The following KCNMB2 variants were observed in gnomAD, a reference collection of about 807,000 sequenced individuals.
The protein encoded by KCNMB2 is calcium-activated potassium channel subunit beta-2.
A neutral mutation model predicts 24.5 loss-of-function variants in KCNMB2; 9 were observed. The observed-to-expected ratio is 0.37, with a 90% confidence interval of 0.22 to 0.64. The LOEUF (loss-of-function observed/expected upper bound fraction) is 0.64. Among genes scored for constraint, KCNMB2 ranks in the 30% least tolerant of loss-of-function variants. KCNMB2 has a pLI of 0.63. For missense variants in KCNMB2, 226 were observed against 284.3 expected (o/e 0.79, Z 1.47); for synonymous variants, 109 against 104.4 (o/e 1.04, Z -0.27).
chr3:178,590,362 G>A (rs1717620738), intron 1 of KCNMB2, among the ~76,000 whole-genome samples: 2 of 151,888 alleles, frequency 1.3e-5, no homozygotes, highest in Admixed American at 6.6e-5. Context: ...CATCTTAGTT[G>A]ACATTGGATT....
chr3:178,655,601 A>G (rs1333253989), intron 1 of KCNMB2, among the ~76,000 whole-genome samples: 1 of 152,200 alleles, frequency 6.6e-6, no homozygotes, highest in East Asian at 1.9e-4. Context: ...CAAAAACGAC[A>G]AAACAAAACG....
At chr3:178,608,863 C>T (rs746633692) in intron 1 of KCNMB2, among the ~76,000 whole-genome samples, 13 of 152,166 alleles carry the variant, frequency 8.5e-5, no homozygotes, top group Non-Finnish European at 1.8e-4. Flanking sequence ...TGTACGTATA[C>T]CACATTTTTC....
intron 1 of KCNMB2, among the ~76,000 whole-genome samples, chr3:178,708,112 G>C (rs1276982545): frequency 6.6e-6 from 1 of 152,070 alleles, no homozygotes; most frequent in Non-Finnish European, 1.5e-5. Flanking sequence ...GAGAACCATA[G>C]TTTCAGTGTC....
At chr3:178,741,022 A>G (rs1723477938) in intron 1 of KCNMB2, among the ~76,000 whole-genome samples, 1 of 152,218 alleles carries the variant, frequency 6.6e-6, no homozygotes, top group Non-Finnish European at 1.5e-5. Context: ...AACGCATGAA[A>G]GCCCAAAAGT....
intron 1 of KCNMB2, among the ~76,000 whole-genome samples, chr3:178,776,486 G>A (rs1560017018): frequency 6.6e-6 from 1 of 152,132 alleles, no homozygotes; most frequent in Non-Finnish European, 1.5e-5. Flanking sequence ...TTTCAAATAT[G>A]TAAATATGAT....
At chr3:178,667,987 C>G (rs973577024) in intron 1 of KCNMB2, among the ~76,000 whole-genome samples, 1 of 152,108 alleles carries the variant, frequency 6.6e-6, no homozygotes, top group Non-Finnish European at 1.5e-5. Context: ...AGAGGGAGTA[C>G]GTATCTCTTT....
chr3:178,706,654 C>CA (rs1722287221), intron 1 of KCNMB2, among the ~76,000 whole-genome samples: 1 of 152,056 alleles, frequency 6.6e-6, no homozygotes, highest in Non-Finnish European at 1.5e-5. Context: ...CCAACTTTAT[C>CA]ACTTGATGAT....
At chr3:178,574,933 T>C (rs1317166283) in intron 1 of KCNMB2, among the ~76,000 whole-genome samples, 1 of 151,982 alleles carries the variant, frequency 6.6e-6, no homozygotes, top group South Asian at 2.1e-4. Flanking sequence ...CCAGGCATGG[T>C]GGTGCATACC....
intron 1 of KCNMB2, among the ~76,000 whole-genome samples, chr3:178,544,340 T>C (rs1264588794): frequency 1.3e-5 from 2 of 152,136 alleles, no homozygotes; most frequent in East Asian, 3.9e-4. Context: ...TCTCTCTCCC[T>C]TCCTCTCTGC....
chr3:178,548,768 G>A (rs1352487990), intron 1 of KCNMB2, among the ~76,000 whole-genome samples: 1 of 151,972 alleles, frequency 6.6e-6, no homozygotes, highest in Non-Finnish European at 1.5e-5. Context: ...CTACCTTTTG[G>A]TACTTGCTTG....
chr3:178,658,752 T>G (rs1032621984), intron 1 of KCNMB2, among the ~76,000 whole-genome samples: 4 of 152,194 alleles, frequency 2.6e-5, no homozygotes. Context: ...TACCATATCA[T>G]GACTATAATA....
At chr3:178,581,601 T>G (rs1717206806) in intron 1 of KCNMB2, among the ~76,000 whole-genome samples, 1 of 151,842 alleles carries the variant, frequency 6.6e-6, no homozygotes, top group South Asian at 2.1e-4. Context: ...TGGGAGAAAA[T>G]TTTTACAATC....
chr3:178,724,459 C>T (rs1000982906), intron 1 of KCNMB2, among the ~76,000 whole-genome samples: 1 of 151,956 alleles, frequency 6.6e-6, no homozygotes, highest in East Asian at 1.9e-4. Flanking sequence ...AGGTTACCTG[C>T]TTTCTCTGTT....
intron 1 of KCNMB2, among the ~76,000 whole-genome samples, chr3:178,590,890 G>C (rs970344022): frequency 2.6e-5 from 4 of 152,142 alleles, no homozygotes; most frequent in African/African-American, 7.2e-5. Flanking sequence ...TGCAGGACTG[G>C]TAAATTCTTT....
At chr3:178,755,084 G>A (rs1292789877) in intron 1 of KCNMB2, among the ~76,000 whole-genome samples, 1 of 152,206 alleles carries the variant, frequency 6.6e-6, no homozygotes, top group East Asian at 1.9e-4. Context: ...AACACCAGCA[G>A]CAAAGGAAGG....
rs6802590 is a variant in KCNMB2, at chr3:178,792,935, T to C, written c.-67-14408T>C. On this transcript the variant is annotated intron_variant, in intron 1 of 4. Transcript: ENST00000452583. ...GCACTGGGCACACCCAAGGGCAGGC[T>C]CAGCTCCCACCCAGCCTTCCCATCT... Among the ~76,000 whole-genome samples the C allele has an allele frequency of 3.0e-3, 455 of 152,306 alleles. 2 individuals are homozygous for C. The highest frequency in any genetic ancestry group is 0.011 in the African/African-American group (438 of 41,578).
chr3:178,739,554 T>C (rs148591272), intron 1 of KCNMB2, among the ~76,000 whole-genome samples: 5 of 152,302 alleles, frequency 3.3e-5, no homozygotes, highest in South Asian at 2.1e-4. Flanking sequence ...ATAGGGCAGA[T>C]AGAACTTAAC....
chr3:178,591,907 T>C (rs1411844017), intron 1 of KCNMB2, among the ~76,000 whole-genome samples: 1 of 151,124 alleles, frequency 6.6e-6, no homozygotes, highest in Non-Finnish European at 1.5e-5. Context: ...TCTGCCTTTA[T>C]TTTTTTTTAG....
At chr3:178,667,118 T>TG (rs1295796685) in intron 1 of KCNMB2, among the ~76,000 whole-genome samples, 9 of 152,142 alleles carry the variant, frequency 5.9e-5, no homozygotes, top group African/African-American at 1.9e-4. Flanking sequence ...TCCATGGACA[T>TG]GGGGGGTCAA....
Sources: allele counts gnomAD v4.1 joint callset (sites outside exome capture counted in the v4.1 genomes callset), GRCh38; gene constraint gnomAD v4.1.1; transcripts MANE v1.5; gene names NCBI Gene and HGNC (gene_info 2026-07-23, HGNC 2026-07-21).